The following SPOCK3 variants were observed in gnomAD, a reference collection of about 807,000 sequenced individuals.
SPOCK3 encodes the protein SPARC (osteonectin), cwcv and kazal like domains proteoglycan 3, also known as testican-3.
In SPOCK3, 30 loss-of-function variants were observed where a neutral mutation model predicts 56.6. The ratio of observed to expected loss-of-function variants is 0.53; its 90% CI spans 0.40 to 0.72. SPOCK3 has a LOEUF of 0.72. SPOCK3 is among the 30% of genes least tolerant of loss of function. The pLI is 0.00. For missense variants in SPOCK3, 527 were observed against 530.0 expected (o/e 0.99, Z 0.06); for synonymous variants, 196 against 183.3 (o/e 1.07, Z -0.56).
chr4:166,781,133 A>C (rs1306295490), intron 7 of SPOCK3, among the ~76,000 whole-genome samples: 2 of 152,200 alleles, frequency 1.3e-5, no homozygotes, highest in African/African-American at 4.8e-5. Flanking sequence ...GTTCTACACA[A>C]TATATCCAGT....
chr4:167,171,598 T>A (rs1306576240), intron 2 of SPOCK3, among the ~76,000 whole-genome samples: 1 of 152,176 alleles, frequency 6.6e-6, no homozygotes, highest in Non-Finnish European at 1.5e-5. Flanking sequence ...CTCTTAAATG[T>A]TCGTTTGAGA....
chr4:167,089,904 C>T (rs1374936864), intron 2 of SPOCK3, among the ~76,000 whole-genome samples: 1 of 152,032 alleles, frequency 6.6e-6, no homozygotes, highest in Non-Finnish European at 1.5e-5. Flanking sequence ...CTTTTCAATC[C>T]TTGCTCTTTC....
intron 2 of SPOCK3, among the ~76,000 whole-genome samples, chr4:167,191,300 A>G (rs1182752631): frequency 6.8e-6 from 1 of 146,008 alleles, no homozygotes; most frequent in African/African-American, 2.6e-5. Flanking sequence ...TGAAGCAAAA[A>G]AAGCACAGAT....
At chr4:166,890,825 G>A (rs190592177) in intron 5 of SPOCK3, among the ~76,000 whole-genome samples, 4 of 151,794 alleles carry the variant, frequency 2.6e-5, no homozygotes, top group African/African-American at 4.8e-5. Flanking sequence ...TTTCTGTCTC[G>A]TTGATCTGTC....
At chr4:166,831,128 A>G (rs1164542327) in intron 6 of SPOCK3, among the ~76,000 whole-genome samples, 3 of 152,192 alleles carry the variant, frequency 2.0e-5, no homozygotes, top group Non-Finnish European at 4.4e-5. Context: ...ATCTACTGAA[A>G]AATTGGGGGA....
chr4:167,078,846 AC>A (rs1357642658), intron 2 of SPOCK3, among the ~76,000 whole-genome samples: 1 of 151,898 alleles, frequency 6.6e-6, no homozygotes, highest in Non-Finnish European at 1.5e-5. Flanking sequence ...CTCAGCAGAT[AC>A]TTACAGTCGT....
At chr4:166,829,997 G>A (rs1745869661) in intron 6 of SPOCK3, among the ~76,000 whole-genome samples, 1 of 151,988 alleles carries the variant, frequency 6.6e-6, no homozygotes. Context: ...TCTTTTATCT[G>A]GCAAGTATTT....
At chr4:166,927,025 A>C (rs1739185261) in intron 4 of SPOCK3, among the ~76,000 whole-genome samples, 1 of 152,210 alleles carries the variant, frequency 6.6e-6, no homozygotes, top group Non-Finnish European at 1.5e-5. Flanking sequence ...TTCTCTAAAA[A>C]GTCCACATAT....
At chr4:167,211,751 G>A (rs1451569083) in intron 2 of SPOCK3, among the ~76,000 whole-genome samples, 1 of 152,084 alleles carries the variant, frequency 6.6e-6, no homozygotes, top group African/African-American at 2.4e-5. Flanking sequence ...TAATTGCCCA[G>A]TCTCGGGTAT....
chr4:166,896,590 C>T (rs1043762581), intron 5 of SPOCK3, among the ~76,000 whole-genome samples: 12 of 152,160 alleles, frequency 7.9e-5, no homozygotes, highest in African/African-American at 2.2e-4. Flanking sequence ...GGATGTGTTC[C>T]AGGCTCATGG....
At chr4:166,979,049 T>G (rs1340190898) in intron 4 of SPOCK3, among the ~76,000 whole-genome samples, 1 of 152,184 alleles carries the variant, frequency 6.6e-6, no homozygotes, top group African/African-American at 2.4e-5. Context: ...TTCAAACACT[T>G]CCTATGTTCT....
chr4:167,074,054 TA>T (rs35446801), intron 2 of SPOCK3, among the ~76,000 whole-genome samples: 4,042 of 139,530 alleles, frequency 0.029, 47 homozygotes, highest in African/African-American at 0.031. Context: ...ACACACTTTC[TA>T]AAAAAAAAAA....
At chr4:167,231,164 A>T (rs142037725) in intron 2 of SPOCK3, among the ~76,000 whole-genome samples, 1 of 152,176 alleles carries the variant, frequency 6.6e-6, no homozygotes, top group Admixed American at 6.5e-5. Flanking sequence ...ATTTATTTTT[A>T]AAATTATTCA....
At chr4:167,037,414 G>A (rs543437534) in intron 3 of SPOCK3, among the ~76,000 whole-genome samples, 9 of 151,932 alleles carry the variant, frequency 5.9e-5, no homozygotes, top group African/African-American at 1.2e-4. Flanking sequence ...CCCTGGGGGC[G>A]GAGGTTGCAG....
At chr4:166,771,207 C>T (rs1407879626) in intron 7 of SPOCK3, among the ~76,000 whole-genome samples, 1 of 151,416 alleles carries the variant, frequency 6.6e-6, no homozygotes, top group Admixed American at 6.6e-5. Flanking sequence ...TATTTGTAGC[C>T]TCAAAAGAAT....
chr4:166,975,034 T>C (rs1745791704), intron 4 of SPOCK3, among the ~76,000 whole-genome samples: 1 of 152,146 alleles, frequency 6.6e-6, no homozygotes, highest in African/African-American at 2.4e-5. Flanking sequence ...AGTCGGTCTG[T>C]CATAAACAGC....
rs552499023 is a variant in SPOCK3, at chr4:167,053,791, A to G, written c.235+8701T>C. On this transcript the variant is annotated intron_variant, in intron 3 of 10. Transcript: ENST00000357545. Reference sequence around the variant, plus strand: ...CCTTCCTGAGAGGCTCTGATTTAAGAAGAAAGCACACAATGAAACCACTGA... The same window carrying G: ...CCTTCCTGAGAGGCTCTGATTTAAGGAGAAAGCACACAATGAAACCACTGA... Among the ~76,000 whole-genome samples, 6 of 152,288 alleles carry G rather than the reference A, an allele frequency of 3.9e-5. 1 individual carries two copies. The South Asian group carries it at 1.2e-3, about 32-fold the overall frequency.
intron 5 of SPOCK3, among the ~76,000 whole-genome samples, chr4:166,911,245 G>A (rs62354112): frequency 0.25 from 12,455 of 50,806 alleles, 564 homozygotes; most frequent in Middle Eastern, 0.26. Flanking sequence ...GGCACCTAGT[G>A]TGTACTATGT....
At chr4:167,015,782 T>G (rs1325112203) in intron 3 of SPOCK3, among the ~76,000 whole-genome samples, 1 of 152,194 alleles carries the variant, frequency 6.6e-6, no homozygotes, top group Non-Finnish European at 1.5e-5. Context: ...GAGTGGTTTC[T>G]GACACTCATA....
Sources: allele counts gnomAD v4.1 joint callset (sites outside exome capture counted in the v4.1 genomes callset), GRCh38; gene constraint gnomAD v4.1.1; transcripts MANE v1.5; gene names NCBI Gene and HGNC (gene_info 2026-07-23, HGNC 2026-07-21).